The following CNKSR2 variants were observed in gnomAD, a reference collection of about 807,000 sequenced individuals.
CNKSR2 encodes the protein CNK homolog protein 2.
Under a neutral mutation model 84.4 loss-of-function variants are expected in CNKSR2, and 14 were observed. That is an observed-to-expected ratio of 0.17 (90% CI 0.11 to 0.26). The LOEUF is 0.26. CNKSR2 is among the 10% of genes least tolerant of loss of function. CNKSR2 has a pLI of 1.00. For missense variants in CNKSR2, 485 were observed against 771.2 expected (o/e 0.63, Z 4.40); for synonymous variants, 275 against 277.9 (o/e 0.99, Z 0.10).
intron 8 of CNKSR2, chrX:21,504,761 T>C (rs1414772919): frequency 2.0e-5 from 6 of 294,199 alleles, no homozygotes; most frequent in Non-Finnish European, 3.0e-5. Flanking sequence ...TATGTCCTTT[T>C]TCATGTTGCT....
At chrX:21,449,418 TA>T (rs1161325191) in intron 4 of CNKSR2, among the ~76,000 whole-genome samples, 2 of 107,015 alleles carry the variant, frequency 1.9e-5, no homozygotes, top group Non-Finnish European at 3.9e-5. Flanking sequence ...ATAGCACCGC[TA>T]AAAAAAAACA....
intron 1 of CNKSR2, among the ~76,000 whole-genome samples, chrX:21,392,707 A>C (rs1300580162): frequency 1.8e-5 from 2 of 111,334 alleles, no homozygotes; most frequent in Non-Finnish European, 3.8e-5. Flanking sequence ...CTGAAATCGA[A>C]TATAACTCAA....
intron 11 of CNKSR2, among the ~76,000 whole-genome samples, chrX:21,545,686 G>A (rs998216120): frequency 6.3e-5 from 7 of 111,987 alleles, no homozygotes; most frequent in African/African-American, 1.9e-4. Flanking sequence ...CTGGCATCTG[G>A]CAGGTGCCCC....
At chrX:21,375,084 G>C in intron 1 of CNKSR2, 123 bp downstream of exon 1, 1 of 600,015 alleles carries the variant, frequency 1.7e-6, no homozygotes, top group Non-Finnish European at 2.8e-6. Flanking sequence ...ATCGTCGTAC[G>C]CGTCGGGGCG....
intron 1 of CNKSR2, among the ~76,000 whole-genome samples, chrX:21,408,604 C>G (rs758375818): frequency 1.8e-4 from 20 of 111,301 alleles, no homozygotes; most frequent in African/African-American, 6.2e-4. Flanking sequence ...AACCTCCACT[C>G]CACTCCACTC....
At chrX:21,582,459 A>G (rs1342432344) in intron 13 of CNKSR2, among the ~76,000 whole-genome samples, 2 of 111,673 alleles carry the variant, frequency 1.8e-5, no homozygotes, top group African/African-American at 6.5e-5. Flanking sequence ...TTTAATTGTT[A>G]CTATGACTAC....
At chrX:21,533,577 G>A (rs764058087) in intron 11 of CNKSR2, among the ~76,000 whole-genome samples, 1 of 110,963 alleles carries the variant, frequency 9.0e-6, no homozygotes, top group Non-Finnish European at 1.9e-5. Flanking sequence ...CTATAAATTG[G>A]TAGTCCCTTC....
Position 21,609,563 on chromosome X carries a change from G to A in CNKSR2, c.2638G>A (p.Glu880Lys), listed in dbSNP as rs1404341883. ...GCAACCCCCAGAGGTGGAGGAAGAG[G>A]AGGAGGAGGAGGAGGAGGAAGGGGA... ...DVQPPEVEEE[E>K]EEEEEEGEAA... The change falls in exon 20 of 22, where the codon GAG becomes AAG. Residue 880 changes from glutamate to lysine, a missense_variant. By Grantham distance (56) the Glu-to-Lys change is moderately conservative. Around this residue, in one of 5 missense-constraint regions of CNKSR2, gnomAD observed 210 missense variants for 291.5 expected, o/e 0.72. Transcript: ENST00000379510. The A allele has an allele frequency of 8.3e-7, 1 of 1,205,642 alleles. No individual in the cohort carries two copies. The highest frequency in any genetic ancestry group is 1.8e-5 in the South Asian group (1 of 56,684).
intron 6 of CNKSR2, among the ~76,000 whole-genome samples, chrX:21,496,808 ATAT>A (rs1003222895): frequency 9.0e-6 from 1 of 111,295 alleles, no homozygotes; most frequent in African/African-American, 3.3e-5. Flanking sequence ...AAGTTAATTA[ATAT>A]TAATATTTTT....
At chrX:21,433,423 G>C (rs1410839975) in intron 3 of CNKSR2, among the ~76,000 whole-genome samples, 1 of 111,380 alleles carries the variant, frequency 9.0e-6, no homozygotes, top group African/African-American at 3.3e-5. Context: ...ATTATATACT[G>C]TATGTGGTTA....
chrX:21,605,241 C>T (rs1420032937), intron 18 of CNKSR2, among the ~76,000 whole-genome samples: 1 of 111,598 alleles, frequency 9.0e-6, no homozygotes, highest in African/African-American at 3.3e-5. Context: ...TTGCTGGGTC[C>T]GTTTCTGGGC....
In CNKSR2 at chrX:21,420,487, T is replaced by C. The variant is rs2090481004; in HGVS notation, c.65-6010T>C. On this transcript the variant is annotated intron_variant, in intron 1 of 21. Coordinates refer to ENST00000379510, the MANE Select transcript of CNKSR2 (RefSeq NM_014927.5). ...AAGCAGAAGGAATTGTGCCCCGTAG[T>C]CAACCGCAGCTCCAGATGTGCTGGG... Among the ~76,000 whole-genome samples, 3 of 111,963 alleles carry C rather than the reference T, an allele frequency of 2.7e-5. No homozygotes were observed. The South Asian group carries it at 1.1e-3, about 42-fold the overall frequency.
intron 20 of CNKSR2, among the ~76,000 whole-genome samples, chrX:21,640,425 T>C (rs1177702378): frequency 1.8e-5 from 2 of 111,544 alleles, no homozygotes; most frequent in African/African-American, 6.5e-5. Flanking sequence ...GTATTGTGTT[T>C]TGTTTCGTTT....
At chrX:21,451,673 G>A in intron 4 of CNKSR2, among the ~76,000 whole-genome samples, 1 of 79,840 alleles carries the variant, frequency 1.3e-5, no homozygotes, top group Middle Eastern at 9.4e-3. Context: ...ACAGGAAGGG[G>A]AACATCACAC....
intron 20 of CNKSR2, among the ~76,000 whole-genome samples, chrX:21,615,346 T>C (rs922078839): frequency 2.7e-5 from 3 of 112,242 alleles, no homozygotes; most frequent in African/African-American, 9.7e-5. Context: ...TTGTTGCTCA[T>C]GGAATGAATA....
rs374329723 is a variant in CNKSR2, at chrX:21,490,413, T to A, written c.562-46T>A. The stretch of plus-strand genomic sequence containing the variant: ...TTACAAAAGGTGATTTATATGTTAC[T>A]TACAACACGTATTTACCACAACTAT... On this transcript the variant is annotated intron_variant, in intron 5 of 21. Coordinates refer to ENST00000379510, the MANE Select transcript of CNKSR2 (RefSeq NM_014927.5). 1.2e-5 allele frequency: 14 copies of A among 1,153,883 alleles called. No homozygotes were observed. The African/African-American group carries it at 2.0e-4, about 16-fold the overall frequency.
At chrX:21,521,542 G>A (rs1341085297) in intron 9 of CNKSR2, among the ~76,000 whole-genome samples, 2 of 110,762 alleles carry the variant, frequency 1.8e-5, no homozygotes, top group South Asian at 3.8e-4. Flanking sequence ...TGGAAGTCCA[G>A]TTTTAATGTT....
chrX:21,398,223 T>A (rs2090144238), intron 1 of CNKSR2, among the ~76,000 whole-genome samples: 1 of 112,167 alleles, frequency 8.9e-6, no homozygotes, highest in Non-Finnish European at 1.9e-5. Flanking sequence ...ATTATTTTAA[T>A]AACTAAAAGT....
intron 1 of CNKSR2, among the ~76,000 whole-genome samples, chrX:21,375,401 G>T (rs751788105): frequency 2.1e-3 from 237 of 112,170 alleles, no homozygotes; most frequent in Non-Finnish European, 3.5e-3. Flanking sequence ...GGCCGCCCTT[G>T]CCAGGTGCCT....
Sources: allele counts gnomAD v4.1 joint callset (sites outside exome capture counted in the v4.1 genomes callset), GRCh38; gene constraint gnomAD v4.1.1; regional missense constraint gnomAD v4.1.1; transcripts MANE v1.5; gene names NCBI Gene and HGNC (gene_info 2026-07-23, HGNC 2026-07-21).